The following PODNL1 variants were observed in gnomAD, a reference collection of about 807,000 sequenced individuals.
PODNL1 encodes podocan-like protein 1.
Under a neutral mutation model 45.1 loss-of-function variants are expected in PODNL1, and 50 were observed. That is an observed-to-expected ratio of 1.11 (90% CI 0.88 to 1.40). The LOEUF (loss-of-function observed/expected upper bound fraction) is 1.40, where lower values mean the gene tolerates loss of function less well. Ranked by LOEUF, PODNL1 falls within the 40% of genes most tolerant of loss-of-function variation. The pLI, the probability that PODNL1 is intolerant of heterozygous loss-of-function variation, is 0.00. For missense variants in PODNL1, 788 were observed against 793.3 expected, an observed-to-expected ratio of 0.99 and a Z score of 0.08; for synonymous variants, 406 against 372.5, an observed-to-expected ratio of 1.09 and a Z score of -1.04.
upstream of PODNL1, among the ~76,000 whole-genome samples, chr19:13,942,707 G>A (rs1027929941): frequency 5.3e-5 from 8 of 152,212 alleles, no homozygotes; most frequent in East Asian, 1.9e-4. Flanking sequence ...TTGGCTGTGC[G>A]CCCCTGTGGC....
intron 1 of PODNL1, among the ~76,000 whole-genome samples, chr19:13,944,967 G>A (rs1972768760): frequency 6.6e-6 from 1 of 152,034 alleles, no homozygotes; most frequent in African/African-American, 2.4e-5. Flanking sequence ...TTACAGACAG[G>A]ATTTTACCAT....
chr19:13,933,939 G>A lies in PODNL1; in HGVS notation c.706C>T (p.Arg236Cys), dbSNP rs369749137. The A allele has an allele frequency of 6.0e-4, 973 of 1,612,800 alleles. 3 individuals are homozygous for A. In the South Asian group the frequency reaches 7.3e-3, roughly 12 times the overall value. ...RGALSRQTQL[R>C]ELYLQHNQLT... ...TGGTTGTGCTGGAGGTAGAGCTCAC[G>A]GAGTTGAGTCTGGCGGCTCAGGGCT... The change falls in exon 7 of 10, where the codon CGT (arginine) becomes TGT (cysteine). Residue 236 changes from arginine (R) to cysteine (C), a missense_variant. This residue lies in a region of PODNL1 where 762 missense variants were observed against 750.9 expected (regional missense o/e 1.01). Coordinates refer to ENST00000588872, the MANE Select transcript of PODNL1 (RefSeq NM_001370095.3). The surrounding 1 kb of genome is among the most constrained non-coding windows in gnomAD (Gnocchi z 5.2).
intron 1 of PODNL1, among the ~76,000 whole-genome samples, chr19:13,946,125 T>G (rs928505782): frequency 1.3e-5 from 2 of 152,044 alleles, no homozygotes; most frequent in Non-Finnish European, 2.9e-5. Flanking sequence ...GGAAGCCACA[T>G]GTTCAGATAA....
At chr19:13,946,644 T>C (rs1471438379) in intron 1 of PODNL1, among the ~76,000 whole-genome samples, 1 of 152,180 alleles carries the variant, frequency 6.6e-6, no homozygotes, top group Non-Finnish European at 1.5e-5. Flanking sequence ...TTTCCAGGTA[T>C]GATTTAATTC....
chr19:13,953,342 T>G, exon 1 of PODNL1: 1 of 536,936 alleles, frequency 1.9e-6, no homozygotes. Context: ...TGTGTCTCTG[T>G]GGACAGGGAC....
chr19:13,933,388 G>C lies in PODNL1; in HGVS notation c.835C>G (p.Pro279Ala). 6.2e-7 allele frequency: 1 copy of C among 1,606,460 alleles called. No individual in the cohort carries two copies. The highest frequency in any genetic ancestry group is 8.5e-7 in the Non-Finnish European group (1 of 1,178,414). Residue 279 changes from proline (P) to alanine (A), a missense_variant, in exon 8 of 10, where the codon CCC (proline) becomes GCC (alanine). Coordinates refer to ENST00000588872, the MANE Select transcript of PODNL1 (RefSeq NM_001370095.3). This position sits in a 1 kb window ranked among gnomAD's most constrained non-coding sequence, Gnocchi z 5.2. Reference protein sequence around the residue: ...NQLTTVPAGLPRTLAILHLGR... With the variant: ...NQLTTVPAGLARTLAILHLGR... ...AGGTGCAGGATAGCCAGGGTCCGGG[G>C]CAGGCCGGCGGGCACTGTGGTCAGC...
chr19:13,934,026 C>A, intron 6 of PODNL1, 33 bp from the exon 7 acceptor site: 1 of 1,559,662 alleles, frequency 6.4e-7, no homozygotes, highest in South Asian at 1.2e-5. Flanking sequence ...AGACTTGAGT[C>A]TGGGATGAGG....
At chr19:13,934,742 GTATA>G (rs1972218900) in intron 5 of PODNL1, among the ~76,000 whole-genome samples, 1 of 152,036 alleles carries the variant, frequency 6.6e-6, no homozygotes, top group South Asian at 2.1e-4. Flanking sequence ...ATGTGTGTAT[GTATA>G]TGCAAGTGTG....
chr19:13,936,886 C>T (rs1972412295), intron 2 of PODNL1, among the ~76,000 whole-genome samples: 1 of 82,448 alleles, frequency 1.2e-5, no homozygotes, highest in African/African-American at 5.3e-5. Context: ...AACACCCCCA[C>T]AATCGACCCC....
At position 13,936,371 on chromosome 19, in the gene PODNL1, G is replaced by C. The variant is rs142724902; in HGVS notation, c.315C>G (p.Ser105=). The change falls in exon 3 of 10, where the codon TCC becomes TCG. Residue 105 remains serine (S), a synonymous_variant. Transcript: ENST00000588872. Reference sequence around the variant, plus strand: ...CGCCTCCCTCTGCCCCCTCACCTTCGGAGGAGATGAGGTTGTTGTGGAGGT... The same window carrying C: ...CGCCTCCCTCTGCCCCCTCACCTTCCGAGGAGATGAGGTTGTTGTGGAGGT... ...TLNLHNNLIS[S]EGLPDEAFES... The C allele has an allele frequency of 6.2e-7, 1 of 1,611,396 alleles. No individual in the cohort carries two copies. The highest frequency in any genetic ancestry group is 1.7e-5 in the Admixed American group (1 of 59,986).
chr19:13,931,886 C>T lies in PODNL1; in HGVS notation c.1576G>A (p.Ala526Thr), dbSNP rs1301523341. The T allele has an allele frequency of 1.6e-6, 2 of 1,231,940 alleles. No individual in the cohort carries two copies. The highest frequency in any genetic ancestry group is 2.0e-6 in the Non-Finnish European group (2 of 987,966). 76.3% of individuals were successfully genotyped at this position (1,231,940 alleles called of 1,614,324 possible). ...ATGCTCGTCATGTGAAGCCTGTTGG[C>T]CCTGCACAGAGAGGCGGTCATGACC... ...TPRLRALFLR[A>T]NRLHMTSIAA... The change falls in exon 10 of 10, where the codon GCC (alanine) becomes ACC (threonine). Residue 526 changes from alanine to threonine, a missense_variant and splice_region_variant. Ala to Thr is a moderately conservative substitution (Grantham distance 58, BLOSUM62 0). Coordinates refer to ENST00000588872, the MANE Select transcript of PODNL1 (RefSeq NM_001370095.3).
At chr19:13,946,727 A>C (rs1159399499) in intron 1 of PODNL1, among the ~76,000 whole-genome samples, 1 of 152,152 alleles carries the variant, frequency 6.6e-6, no homozygotes, top group Non-Finnish European at 1.5e-5. Flanking sequence ...ATACGTATTA[A>C]GGGAGAGTCC....
At chr19:13,935,862 C>G (rs1972311004) in intron 4 of PODNL1, 32 bp from the exon 5 acceptor site, 1 of 1,577,818 alleles carries the variant, frequency 6.3e-7, no homozygotes, top group African/African-American at 1.3e-5. Context: ...CCGGACTGGT[C>G]CTGGTGCGCC....
intron 2 of PODNL1, 102 bp downstream of exon 2, chr19:13,937,683 T>C (rs1438262668): frequency 1.8e-6 from 2 of 1,123,656 alleles, no homozygotes. Flanking sequence ...GCAAGTGTGT[T>C]CCTATACCCC....
upstream of PODNL1, chr19:13,938,539 T>G: frequency 2.0e-6 from 2 of 1,007,844 alleles, no homozygotes; most frequent in Admixed American, 5.0e-5. Context: ...GTCTGGTATT[T>G]GGGACGACCG....
At position 13,937,901 on chromosome 19, in the gene PODNL1, G is replaced by A. The variant is rs3745467; in HGVS notation, c.109C>T (p.Arg37Trp). ...HLGESLQPLP[R>W]ACPLRCSCPR... Reference sequence around the variant, plus strand: ...CAGGAGCAGCGCAGGGGACAGGCCCGGGGCAGGGGCTGCAAGCTCTCCCCC... The same window carrying A: ...CAGGAGCAGCGCAGGGGACAGGCCCAGGGCAGGGGCTGCAAGCTCTCCCCC... Residue 37 changes from arginine to tryptophan, a missense_variant, in exon 2 of 10, where the codon CGG (arginine) becomes TGG (tryptophan). Arg to Trp is a moderately radical substitution (Grantham distance 101). Transcript: ENST00000588872. 5,614 of 1,568,054 alleles carry A rather than the reference G, an allele frequency of 3.6e-3. 120 individuals carry two copies. The African/African-American group carries it at 0.045, about 12-fold the overall frequency.
chr19:13,949,130 T>C (rs1049562020), intron 1 of PODNL1, among the ~76,000 whole-genome samples: 5 of 151,870 alleles, frequency 3.3e-5, no homozygotes. Flanking sequence ...CAGCTAATTT[T>C]TGTATTTTTA....
chr19:13,948,000 C>G (rs1393763663), intron 1 of PODNL1, among the ~76,000 whole-genome samples: 1 of 152,016 alleles, frequency 6.6e-6, no homozygotes, highest in Admixed American at 6.6e-5. Context: ...GCTGGGAGTA[C>G]AGGCTCAGGC....
chr19:13,952,676 C>G, intron 1 of PODNL1: 1 of 1,001,356 alleles, frequency 1.0e-6, no homozygotes, highest in Non-Finnish European at 1.2e-6. Flanking sequence ...GGGAGCGCGC[C>G]GGAGGGTGGG....
Sources: allele counts gnomAD v4.1 joint callset (sites outside exome capture counted in the v4.1 genomes callset), GRCh38; gene constraint gnomAD v4.1.1; regional missense constraint gnomAD v4.1.1; non-coding constraint Gnocchi (gnomAD v3.1); transcripts MANE v1.5; gene names NCBI Gene and HGNC (gene_info 2026-07-23, HGNC 2026-07-21).